The following GRM5 variants were observed in gnomAD, a reference collection of about 807,000 sequenced individuals.
GRM5 encodes the protein metabotropic glutamate receptor 5.
A neutral mutation model predicts 83.1 loss-of-function variants in GRM5; 19 were observed. The observed-to-expected ratio is 0.23, with a 90% CI of 0.16 to 0.34. GRM5 has a LOEUF of 0.34. Ranked by LOEUF, GRM5 falls within the 10% of genes least tolerant of loss-of-function variation. The pLI, the probability that GRM5 is intolerant of heterozygous loss-of-function variation, is 1.00. For missense variants in GRM5, 1,160 were observed against 1,588.3 expected (o/e 0.73, Z 4.58); for synonymous variants, 675 against 633.6 (o/e 1.07, Z -0.98).
intron 8 of GRM5, among the ~76,000 whole-genome samples, chr11:88,540,182 C>A (rs78444157): frequency 0.017 from 2,561 of 152,284 alleles, 70 homozygotes; most frequent in African/African-American, 0.059. Flanking sequence ...TCAACTAATT[C>A]ATTCCGTTTG....
In GRM5 at chr11:89,065,898, A is replaced by G. The variant is rs1052617097; in HGVS notation, c.-323T>C. ...CGGCGATGGAGGCAGCGGTGACAGC[A>G]GGCAGAACGGCTGCGGGGCCCGCGG... On this transcript the variant is annotated 5_prime_UTR_variant, in exon 1 of 10. Transcript: ENST00000305447. The G allele has an allele frequency of 6.6e-6, 1 of 152,154 alleles. No individual in the cohort carries two copies. The highest frequency in any genetic ancestry group is 1.9e-4 in the East Asian group (1 of 5,170). The allele number at this position is 152,154 out of a possible 1,614,324, so 9.4% of individuals were successfully genotyped here. A position where few individuals can be genotyped will look rare whatever the true frequency, so the allele number is the denominator to read the frequency against.
intron 6 of GRM5, among the ~76,000 whole-genome samples, chr11:88,594,478 C>A (rs745755097): frequency 6.6e-6 from 1 of 152,074 alleles, no homozygotes; most frequent in African/African-American, 2.4e-5. Context: ...AACAAATGAG[C>A]GTGGCTGTAT....
chr11:88,580,532 T>C (rs949297857), intron 7 of GRM5, among the ~76,000 whole-genome samples: 2 of 152,206 alleles, frequency 1.3e-5, no homozygotes, highest in African/African-American at 4.8e-5. Context: ...ATCAAAAGTG[T>C]ATAATGAAGT....
At chr11:89,031,283 A>C (rs1278750644) in intron 2 of GRM5, among the ~76,000 whole-genome samples, 2 of 151,984 alleles carry the variant, frequency 1.3e-5, no homozygotes, top group Non-Finnish European at 2.9e-5. Flanking sequence ...CAATATTGCT[A>C]TTATAAGTAA....
chr11:88,950,993 C>T (rs965647588), intron 2 of GRM5, among the ~76,000 whole-genome samples: 2 of 152,042 alleles, frequency 1.3e-5, no homozygotes, highest in African/African-American at 4.8e-5. Context: ...AGACTAGAAA[C>T]CAGAAAATGA....
chr11:88,885,265 G>T (rs1429713034), intron 2 of GRM5, among the ~76,000 whole-genome samples: 1 of 151,632 alleles, frequency 6.6e-6, no homozygotes, highest in African/African-American at 2.4e-5. Context: ...TACAAACCAA[G>T]ATTAAATCCT....
At chr11:89,051,735 A>C (rs1477014878) in intron 1 of GRM5, among the ~76,000 whole-genome samples, 1 of 152,170 alleles carries the variant, frequency 6.6e-6, no homozygotes, top group Non-Finnish European at 1.5e-5. Context: ...TAATAATGTT[A>C]ATTACAACAG....
At position 88,961,980 on chromosome 11, in the gene GRM5, T is replaced by C. The variant is rs116159921; in HGVS notation, c.661+85232A>G. Reference sequence around the variant, plus strand: ...ACTTTGTGCCAGTCACATTATATAATGTCTTATTTTATCCCCACAAAAACT... The same window carrying C: ...ACTTTGTGCCAGTCACATTATATAACGTCTTATTTTATCCCCACAAAAACT... On this transcript the variant is annotated intron_variant, in intron 2 of 9. Coordinates refer to ENST00000305447, the MANE Select transcript of GRM5 (RefSeq NM_001143831.3). Among the ~76,000 whole-genome samples, 384 of 152,352 alleles carry C rather than the reference T, an allele frequency of 2.5e-3. 3 individuals carry two copies. The highest frequency in any genetic ancestry group is 8.8e-3 in the African/African-American group (365 of 41,586).
chr11:88,653,671 A>G (rs923714758), intron 3 of GRM5, among the ~76,000 whole-genome samples: 1 of 152,060 alleles, frequency 6.6e-6, no homozygotes, highest in Non-Finnish European at 1.5e-5. Flanking sequence ...TTCTGGCACA[A>G]TTTTACTGGC....
intron 3 of GRM5, among the ~76,000 whole-genome samples, chr11:88,735,538 G>C (rs1270580040): frequency 6.6e-6 from 1 of 151,990 alleles, no homozygotes; most frequent in Non-Finnish European, 1.5e-5. Context: ...CCTGGAAGTA[G>C]GTTGGGGCTT....
chr11:88,650,207 A>G (rs1446914711), intron 4 of GRM5, among the ~76,000 whole-genome samples: 1 of 151,930 alleles, frequency 6.6e-6, no homozygotes, highest in African/African-American at 2.4e-5. Flanking sequence ...TAAATAGCTA[A>G]ATAACAAATT....
chr11:88,798,840 C>CAACA (rs1834372429), intron 3 of GRM5, among the ~76,000 whole-genome samples: 5 of 111,822 alleles, frequency 4.5e-5, no homozygotes, highest in Admixed American at 3.4e-4. Flanking sequence ...ACAACAACAA[C>CAACA]AAAAAAAAAC....
chr11:88,659,395 A>G (rs115195740), intron 3 of GRM5, among the ~76,000 whole-genome samples: 16 of 152,306 alleles, frequency 1.1e-4, no homozygotes, highest in African/African-American at 3.8e-4. Flanking sequence ...TAAAAATGCA[A>G]GTTAACAATG....
rs569835765 is a variant in GRM5 at position 88,914,729 on chromosome 11, T to G, written c.662-64574A>C. ...AATTTGTGAATAACTGCATAGTGAA[T>G]TAAAGGTCAACAATATCCACTTTAC... On this transcript the variant is annotated intron_variant, in intron 2 of 9. Transcript: ENST00000305447. Among the ~76,000 whole-genome samples the G allele has an allele frequency of 3.9e-5, 6 of 152,332 alleles. No homozygotes were observed. The South Asian group carries it at 1.2e-3, about 32-fold the overall frequency.
chr11:88,985,924 T>C (rs1939691289), intron 2 of GRM5, among the ~76,000 whole-genome samples: 1 of 152,160 alleles, frequency 6.6e-6, no homozygotes, highest in Non-Finnish European at 1.5e-5. Context: ...TATAAAATAG[T>C]ATGTCCAACT....
rs891020310 is a variant in GRM5, at chr11:88,904,992, T to C, written c.662-54837A>G. 2.6e-4 allele frequency among the ~76,000 whole-genome samples: 39 copies of C among 152,210 alleles called. 1 individual carries two copies. Among genetic ancestry groups the C allele is most frequent in the Non-Finnish European group, 8.8e-5 (6 of 68,040 alleles). ...CCTAGTCAATAGTTGTTTTATTTCTTATTGATATATGATTATGCTGCCGAA... is the reference window on the plus strand; with the variant it reads ...CCTAGTCAATAGTTGTTTTATTTCTCATTGATATATGATTATGCTGCCGAA... On this transcript the variant is annotated intron_variant, in intron 2 of 9. Transcript: ENST00000305447.
intron 3 of GRM5, among the ~76,000 whole-genome samples, chr11:88,688,458 C>G (rs1015192701): frequency 1.1e-4 from 17 of 152,244 alleles, no homozygotes; most frequent in Middle Eastern, 3.4e-3. Context: ...GAAAAATATA[C>G]TGTGGATTTC....
chr11:88,604,451 GA>G (rs1213941577), intron 5 of GRM5, among the ~76,000 whole-genome samples: 1 of 152,168 alleles, frequency 6.6e-6, no homozygotes, highest in Non-Finnish European at 1.5e-5. Flanking sequence ...ATTTATCTAT[GA>G]TCATGTGAGT....
intron 2 of GRM5, among the ~76,000 whole-genome samples, chr11:88,907,693 G>A (rs1382948715): frequency 2.0e-5 from 3 of 152,140 alleles, no homozygotes; most frequent in Non-Finnish European, 4.4e-5. Flanking sequence ...TTGGAATCAA[G>A]CAGGATTAGA....
Sources: gnomAD v4.1 joint callset for allele counts (sites outside exome capture counted in the v4.1 genomes callset) on GRCh38, gnomAD v4.1.1 for gene constraint, MANE v1.5 for transcripts, NCBI Gene and HGNC (gene_info 2026-07-23, HGNC 2026-07-21) for gene names.